The following MIS18A variants were observed in gnomAD, a reference collection of about 807,000 sequenced individuals.
MIS18A encodes MIS18 kinetochore protein A.
A neutral mutation model predicts 25.0 loss-of-function variants in MIS18A; 14 were observed. That is an observed-to-expected ratio of 0.56 (90% CI 0.37 to 0.88). MIS18A has a LOEUF of 0.88. Among genes scored for constraint, MIS18A ranks in the 40% least tolerant of loss-of-function variants. The pLI is 0.00. For synonymous variants in MIS18A, 134 were observed against 118.6 expected, an observed-to-expected ratio of 1.13 and a Z score of -0.84; for missense variants, 292 against 290.8, an observed-to-expected ratio of 1.00 and a Z score of -0.03.
downstream of MIS18A, among the ~76,000 whole-genome samples, chr21:32,266,447 G>A (rs191780794): frequency 7.2e-5 from 11 of 152,140 alleles, no homozygotes; most frequent in African/African-American, 2.4e-4. Flanking sequence ...TTGTTTTTTC[G>A]CTCTTTGCAA....
the MIS18A span, among the ~76,000 whole-genome samples, chr21:32,239,050 T>C: frequency 6.6e-6 from 1 of 152,216 alleles, no homozygotes; most frequent in Non-Finnish European, 1.5e-5. Flanking sequence ...AAATTATATA[T>C]GTGTACTGGG....
the MIS18A span, among the ~76,000 whole-genome samples, chr21:32,226,005 T>C: frequency 1.3e-5 from 1 of 74,666 alleles, no homozygotes; most frequent in Admixed American, 1.5e-4. Flanking sequence ...TTGGAAATCA[T>C]CATTCTCAGT....
At chr21:32,251,027 T>C in the MIS18A span, among the ~76,000 whole-genome samples, 1 of 152,176 alleles carries the variant, frequency 6.6e-6, no homozygotes, top group East Asian at 1.9e-4. Flanking sequence ...GCTTCCCCTT[T>C]TGCTTGGCTC....
the MIS18A span, among the ~76,000 whole-genome samples, chr21:32,208,456 G>A: frequency 6.6e-6 from 1 of 152,110 alleles, no homozygotes; most frequent in South Asian, 2.1e-4. Context: ...TGAGGTGCCT[G>A]CTCCCCCTTC....
chr21:32,156,633 C>G, the MIS18A span: 1 of 152,134 alleles, frequency 6.6e-6, no homozygotes, highest in Non-Finnish European at 1.5e-5. Context: ...ATTCTATTAA[C>G]CTATATATTT....
the MIS18A span, among the ~76,000 whole-genome samples, chr21:32,248,012 T>C: frequency 1.3e-5 from 2 of 152,182 alleles, no homozygotes; most frequent in East Asian, 1.9e-4. Flanking sequence ...GATCGCTGCA[T>C]GGAAGAGCTT....
intron 1 of MIS18A, 91 bp downstream of exon 1, chr21:32,278,590 G>T: frequency 7.6e-7 from 1 of 1,323,474 alleles, no homozygotes; most frequent in Non-Finnish European, 1.0e-6. Context: ...GCAGCCCCAA[G>T]GAGCCCCCGC....
At chr21:32,188,458 G>C in the MIS18A span, among the ~76,000 whole-genome samples, 19 of 152,266 alleles carry the variant, frequency 1.2e-4, 1 homozygote, top group South Asian at 3.9e-3. Context: ...CTTTCACAGT[G>C]GGCAGTAAAC....
At chr21:32,173,917 G>A in the MIS18A span, among the ~76,000 whole-genome samples, 6,943 of 141,000 alleles carry the variant, frequency 0.049, 204 homozygotes, top group Middle Eastern at 0.16. Context: ...AAATTTTACT[G>A]TATGTGCATT....
the MIS18A span, among the ~76,000 whole-genome samples, chr21:32,157,054 C>CT: frequency 0.45 from 54,617 of 121,490 alleles, 14,577 homozygotes; most frequent in East Asian, 0.75. Flanking sequence ...TTCTTTCTTT[C>CT]TTTTTTTTTT....
intron 1 of MIS18A, 98 bp downstream of exon 1, chr21:32,278,583 G>T: frequency 7.9e-7 from 1 of 1,259,084 alleles, no homozygotes. Context: ...TCCCTGGGCA[G>T]CCCCAAGGAG....
At chr21:32,274,316 T>C (rs1234802486) in intron 2 of MIS18A, among the ~76,000 whole-genome samples, 8 of 148,372 alleles carry the variant, frequency 5.4e-5, no homozygotes, top group Non-Finnish European at 7.4e-5. Flanking sequence ...GTGATTCTCC[T>C]GTCTCAGCCT....
the MIS18A span, among the ~76,000 whole-genome samples, chr21:32,245,163 G>C: frequency 7.2e-5 from 11 of 152,192 alleles, no homozygotes; most frequent in African/African-American, 2.7e-4. Flanking sequence ...CCTATTTAAT[G>C]TCTGGAAGAC....
chr21:32,174,056 C>T, the MIS18A span, among the ~76,000 whole-genome samples: 1 of 146,762 alleles, frequency 6.8e-6, no homozygotes, highest in African/African-American at 2.5e-5. Context: ...CTTCCACCTC[C>T]CGGGTTCAAG....
the MIS18A span, among the ~76,000 whole-genome samples, chr21:32,192,400 G>A: frequency 1.3e-5 from 2 of 152,056 alleles, no homozygotes; most frequent in Admixed American, 1.3e-4. Context: ...CTCCTTCCTG[G>A]CCTCCATATG....
the MIS18A span, among the ~76,000 whole-genome samples, chr21:32,244,353 G>T: frequency 1.3e-5 from 2 of 152,018 alleles, no homozygotes; most frequent in Non-Finnish European, 1.5e-5. Flanking sequence ...TTACATGAGG[G>T]TGTATATGTG....
the MIS18A span, among the ~76,000 whole-genome samples, chr21:32,238,680 T>C: frequency 1.3e-5 from 2 of 152,184 alleles, no homozygotes; most frequent in African/African-American, 2.4e-5. Flanking sequence ...GTTTGTGTGG[T>C]CCATGTCACT....
the MIS18A span, among the ~76,000 whole-genome samples, chr21:32,190,480 C>T: frequency 1.3e-5 from 2 of 152,184 alleles, no homozygotes. Flanking sequence ...GCCCATTTAC[C>T]CACAAAATTT....
the MIS18A span, among the ~76,000 whole-genome samples, chr21:32,170,259 C>A: frequency 6.6e-6 from 1 of 152,046 alleles, no homozygotes; most frequent in Non-Finnish European, 1.5e-5. Context: ...TGGAATCAAC[C>A]TAGGTGCTCA....
Sources: allele counts gnomAD v4.1 joint callset (sites outside exome capture counted in the v4.1 genomes callset), GRCh38; gene constraint gnomAD v4.1.1; transcripts MANE v1.5; gene names NCBI Gene and HGNC (gene_info 2026-07-23, HGNC 2026-07-21).